Variants in BRINP3 observed in about 807,000 individuals in gnomAD.
BRINP3 encodes BMP/retinoic acid inducible neural specific 3.
A neutral mutation model predicts 71.0 loss-of-function variants in BRINP3; 19 were observed. The observed-to-expected ratio is 0.27, with a 90% CI of 0.19 to 0.39. The LOEUF is 0.39. BRINP3 is among the 10% of genes least tolerant of loss of function. The pLI is 1.00. For synonymous variants in BRINP3, 380 were observed against 337.7 expected, an observed-to-expected ratio of 1.13 and a Z score of -1.37; for missense variants, 959 against 940.8, an observed-to-expected ratio of 1.02 and a Z score of -0.25.
chr1:190,358,110 C>A (rs1668863244), intron 2 of BRINP3, among the ~76,000 whole-genome samples: 1 of 152,146 alleles, frequency 6.6e-6, no homozygotes, highest in Non-Finnish European at 1.5e-5. Context: ...GCAAGGACTT[C>A]ATGTCTAAAA....
chr1:190,184,146 G>A (rs1029191267), intron 6 of BRINP3, among the ~76,000 whole-genome samples: 2 of 152,120 alleles, frequency 1.3e-5, no homozygotes, highest in African/African-American at 4.8e-5. Flanking sequence ...TCCTTCTCCA[G>A]AATGTGAATG....
At chr1:190,158,670 A>G (rs549928916) in intron 7 of BRINP3, among the ~76,000 whole-genome samples, 43 of 152,234 alleles carry the variant, frequency 2.8e-4, no homozygotes, top group Non-Finnish European at 4.9e-4. Flanking sequence ...TCTCAAATTA[A>G]TAACTTAAGT....
At chr1:190,130,881 A>C (rs945064102) in intron 7 of BRINP3, among the ~76,000 whole-genome samples, 9 of 151,828 alleles carry the variant, frequency 5.9e-5, no homozygotes, top group Admixed American at 3.3e-4. Flanking sequence ...CTTGGAAGCC[A>C]CTCATCAAAA....
chr1:190,451,465 C>A (rs768242666), intron 2 of BRINP3, among the ~76,000 whole-genome samples: 1 of 152,130 alleles, frequency 6.6e-6, no homozygotes, highest in Non-Finnish European at 1.5e-5. Flanking sequence ...ACTGCAAACA[C>A]AAGGCTCCAG....
chr1:190,348,991 T>C (rs150568229), intron 2 of BRINP3, among the ~76,000 whole-genome samples: 115 of 152,278 alleles, frequency 7.6e-4, no homozygotes, highest in African/African-American at 2.6e-3. Flanking sequence ...TTAAAGAAAT[T>C]ATGAGGAACT....
At chr1:190,308,507 G>T (rs1665283802) in intron 2 of BRINP3, among the ~76,000 whole-genome samples, 2 of 151,700 alleles carry the variant, frequency 1.3e-5, no homozygotes, top group Admixed American at 6.6e-5. Context: ...TGGGGGAAGG[G>T]GGGAGGGATA....
At chr1:190,322,512 G>T (rs1047481095) in intron 2 of BRINP3, among the ~76,000 whole-genome samples, 1 of 151,996 alleles carries the variant, frequency 6.6e-6, no homozygotes, top group Non-Finnish European at 1.5e-5. Context: ...CAGACCTGAA[G>T]AAAAAGTGCG....
In BRINP3 at chr1:190,339,673, G is replaced by A. The variant is rs149770307; in HGVS notation, c.237-57923C>T. On this transcript the variant is annotated intron_variant, in intron 2 of 7. Transcript: ENST00000367462. Reference sequence around the variant, plus strand: ...CTCTAGTATTGCCCACCTGCCAACCGCCTCCCGTACTATTTAAAAAATATT... The same window carrying A: ...CTCTAGTATTGCCCACCTGCCAACCACCTCCCGTACTATTTAAAAAATATT... 5.5e-3 allele frequency among the ~76,000 whole-genome samples: 834 copies of A among 151,806 alleles called. 5 individuals are homozygous for A. Among genetic ancestry groups the A allele is most frequent in the African/African-American group, 0.018 (762 of 41,464 alleles).
intron 2 of BRINP3, among the ~76,000 whole-genome samples, chr1:190,406,651 T>C (rs1672302728): frequency 6.6e-6 from 1 of 152,142 alleles, no homozygotes; most frequent in African/African-American, 2.4e-5. Context: ...AGTTTTATCA[T>C]TGTGGACAAG....
At chr1:190,388,748 A>G (rs1367693075) in intron 2 of BRINP3, among the ~76,000 whole-genome samples, 3 of 151,852 alleles carry the variant, frequency 2.0e-5, no homozygotes, top group Non-Finnish European at 4.4e-5. Flanking sequence ...AATTAATATA[A>G]CCAGGTATTC....
chr1:190,408,019 C>CT (rs34343187), intron 2 of BRINP3, among the ~76,000 whole-genome samples: 9,195 of 99,570 alleles, frequency 0.092, 1,551 homozygotes, highest in Middle Eastern at 0.24. Flanking sequence ...CTACATTTGT[C>CT]TTTTTTTTTT....
At chr1:190,368,545 T>C (rs904665826) in intron 2 of BRINP3, among the ~76,000 whole-genome samples, 3 of 152,194 alleles carry the variant, frequency 2.0e-5, no homozygotes, top group East Asian at 1.9e-4. Context: ...CCTTAAAGCA[T>C]GACAAAATAA....
At position 190,353,512 on chromosome 1, in the gene BRINP3, T is replaced by G. The variant is rs565836969; in HGVS notation, c.237-71762A>C. Among the ~76,000 whole-genome samples the G allele has an allele frequency of 3.9e-5, 6 of 152,190 alleles. No homozygotes were observed. The South Asian group carries it at 1.2e-3, about 32-fold the overall frequency. On this transcript the variant is annotated intron_variant, in intron 2 of 7. Transcript: ENST00000367462. ...ATAATCTTGAGGACTTAGTTAAAAT[T>G]AAACTCTGTTTTTAAAGCTACAACT...
At chr1:190,473,904 C>T (rs1429472779) in intron 1 of BRINP3, among the ~76,000 whole-genome samples, 2 of 151,862 alleles carry the variant, frequency 1.3e-5, no homozygotes, top group Admixed American at 6.6e-5. Flanking sequence ...AACCCACCCC[C>T]ACCTCATGTA....
chr1:190,456,774 T>G (rs1571361476), intron 1 of BRINP3, among the ~76,000 whole-genome samples: 1 of 152,024 alleles, frequency 6.6e-6, no homozygotes. Flanking sequence ...ATTTTTAGAA[T>G]ATATAATTTC....
At chr1:190,116,707 A>C (rs897310249) in intron 7 of BRINP3, among the ~76,000 whole-genome samples, 1 of 152,040 alleles carries the variant, frequency 6.6e-6, no homozygotes, top group Non-Finnish European at 1.5e-5. Context: ...GGGAAATATA[A>C]ATTTTTATTT....
chr1:190,161,502 C>A (rs201940061), intron 6 of BRINP3, among the ~76,000 whole-genome samples: 1 of 151,782 alleles, frequency 6.6e-6, no homozygotes, highest in East Asian at 1.9e-4. Flanking sequence ...TTTGTTATGA[C>A]TAACCATTTA....
At chr1:190,209,422 C>T (rs1168290714) in intron 6 of BRINP3, among the ~76,000 whole-genome samples, 1 of 152,040 alleles carries the variant, frequency 6.6e-6, no homozygotes, top group African/African-American at 2.4e-5. Flanking sequence ...ATCATGCCTG[C>T]CAGGTTCATA....
At chr1:190,365,835 T>TATATATATAC (rs1553303272) in intron 2 of BRINP3, among the ~76,000 whole-genome samples, 10 of 136,752 alleles carry the variant, frequency 7.3e-5, no homozygotes, top group African/African-American at 1.6e-4. Context: ...TATATATATA[T>TATATATATAC]ACACACACAC....
Sources: allele counts gnomAD v4.1 joint callset (sites outside exome capture counted in the v4.1 genomes callset), GRCh38; gene constraint gnomAD v4.1.1; transcripts MANE v1.5; gene names NCBI Gene and HGNC (gene_info 2026-07-23, HGNC 2026-07-21).